Variants in XYLT1 observed in about 807,000 individuals in gnomAD.
The protein encoded by XYLT1 is beta-D-xylosyltransferase 1.
A neutral mutation model predicts 91.3 loss-of-function variants in XYLT1; 36 were observed. That is an observed-to-expected ratio of 0.39 (90% CI 0.30 to 0.52). The LOEUF (loss-of-function observed/expected upper bound fraction) is 0.52, where lower values mean the gene tolerates loss of function less well. Among genes scored for constraint, XYLT1 ranks in the 20% least tolerant of loss-of-function variants. XYLT1 has a pLI of 0.68. For synonymous variants in XYLT1, 588 were observed against 532.0 expected, an observed-to-expected ratio of 1.11 and a Z score of -1.45; for missense variants, 1,242 against 1,284.5, an observed-to-expected ratio of 0.97 and a Z score of 0.51.
At chr16:17,464,473 C>G (rs2036861390) in intron 1 of XYLT1, among the ~76,000 whole-genome samples, 1 of 118,044 alleles carries the variant, frequency 8.5e-6, no homozygotes, top group Non-Finnish European at 1.7e-5. Context: ...GGCCGGGCAA[C>G]AGAGCAAAAC....
Position 17,358,067 on chromosome 16 carries a change from G to A in XYLT1, c.364-17C>T, listed in dbSNP as rs765373459. The A allele has an allele frequency of 2.5e-6, 4 of 1,611,962 alleles. No homozygotes were observed. In the Admixed American group the frequency reaches 5.0e-5, roughly 20 times the overall value. On this transcript the variant is annotated splice_polypyrimidine_tract_variant and intron_variant, in intron 1 of 11. Coordinates refer to ENST00000261381, the MANE Select transcript of XYLT1 (RefSeq NM_022166.4). ...GTGTGGATCCTGTAGGATGAAAGGA[G>A]AAAATGCACGTGAGGAGTGAAAAAA...
intron 11 of XYLT1, 85 bp from the exon 12 acceptor site, chr16:17,109,102 C>T (rs1033934388): frequency 2.2e-6 from 3 of 1,344,192 alleles, no homozygotes. Context: ...TGGTGCTGCA[C>T]TGGGTGCCAT....
chr16:17,252,653 GA>G (rs1478335798), intron 3 of XYLT1, among the ~76,000 whole-genome samples: 1 of 152,130 alleles, frequency 6.6e-6, no homozygotes, highest in Non-Finnish European at 1.5e-5. Flanking sequence ...CGAGAGCAAG[GA>G]ATGTCTCACA....
At chr16:17,115,705 C>T (rs1198972998) in intron 11 of XYLT1, among the ~76,000 whole-genome samples, 4 of 147,838 alleles carry the variant, frequency 2.7e-5, no homozygotes, top group South Asian at 2.1e-4. Flanking sequence ...AGGCTGGTCT[C>T]GAACTCCTGG....
chr16:17,391,974 G>A (rs1481072035), intron 1 of XYLT1, among the ~76,000 whole-genome samples: 3 of 152,174 alleles, frequency 2.0e-5, no homozygotes, highest in African/African-American at 4.8e-5. Flanking sequence ...CATGTGGAAC[G>A]TTGAGTCAGT....
chr16:17,408,972 G>A (rs6498703), intron 1 of XYLT1, among the ~76,000 whole-genome samples: 34,960 of 152,116 alleles, frequency 0.23, 4,142 homozygotes, highest in African/African-American at 0.29. Context: ...TTTAGACAGC[G>A]TTGAGAACCC....
chr16:17,336,834 C>A (rs548505930), intron 2 of XYLT1, among the ~76,000 whole-genome samples: 18 of 152,268 alleles, frequency 1.2e-4, no homozygotes, highest in African/African-American at 4.1e-4. Flanking sequence ...AAACCCTGAT[C>A]GTGTCAAGCA....
intron 5 of XYLT1, among the ~76,000 whole-genome samples, chr16:17,174,138 AAAAT>A (rs1161185655): frequency 2.0e-5 from 3 of 152,218 alleles, no homozygotes; most frequent in Admixed American, 6.5e-5. Context: ...GGTGGCCAAA[AAAAT>A]AAATAAATAA....
At chr16:17,135,755 A>T (rs1475208354) in intron 8 of XYLT1, among the ~76,000 whole-genome samples, 1 of 152,178 alleles carries the variant, frequency 6.6e-6, no homozygotes, top group African/African-American at 2.4e-5. Flanking sequence ...CCTGTAAGCT[A>T]CCAGGTGTTA....
intron 9 of XYLT1, among the ~76,000 whole-genome samples, chr16:17,132,854 TCACTG>T (rs2030545890): frequency 6.6e-6 from 1 of 152,114 alleles, no homozygotes; most frequent in Non-Finnish European, 1.5e-5. Context: ...AGAGATCACA[TCACTG>T]CACTCCAGCT....
intron 1 of XYLT1, among the ~76,000 whole-genome samples, chr16:17,376,262 C>A (rs575648835): frequency 2.6e-5 from 4 of 152,186 alleles, no homozygotes; most frequent in African/African-American, 4.8e-5. Context: ...ACAGGGATGG[C>A]GCTCCATATC....
chr16:17,308,037 A>G (rs2034493267), intron 2 of XYLT1, among the ~76,000 whole-genome samples: 1 of 152,158 alleles, frequency 6.6e-6, no homozygotes, highest in Admixed American at 6.5e-5. Flanking sequence ...TGGTGGTGGG[A>G]TATACCCTCA....
chr16:17,412,207 G>A lies in XYLT1; in HGVS notation c.364-54157C>T, dbSNP rs573975496. Among the ~76,000 whole-genome samples the A allele has an allele frequency of 2.6e-5, 4 of 152,082 alleles. No homozygotes were observed. In the East Asian group the frequency reaches 7.7e-4, roughly 29 times the overall value. ...CACAGCTCCTGGGGTTGAAGATCCTGGTGAGGTGCAGTTTGTTCTCACAGC... is the reference window on the plus strand; with the variant it reads ...CACAGCTCCTGGGGTTGAAGATCCTAGTGAGGTGCAGTTTGTTCTCACAGC... On this transcript the variant is annotated intron_variant, in intron 1 of 11. Coordinates refer to ENST00000261381, the MANE Select transcript of XYLT1 (RefSeq NM_022166.4).
At chr16:17,412,927 C>A (rs1458003231) in intron 1 of XYLT1, among the ~76,000 whole-genome samples, 1 of 152,188 alleles carries the variant, frequency 6.6e-6, no homozygotes, top group African/African-American at 2.4e-5. Context: ...CCCATGTTCA[C>A]AATGCTCGTA....
chr16:17,396,212 T>A (rs2035883762), intron 1 of XYLT1, among the ~76,000 whole-genome samples: 1 of 152,214 alleles, frequency 6.6e-6, no homozygotes, highest in African/African-American at 2.4e-5. Context: ...ACTCATGCAG[T>A]GACTCCTGGG....
At chr16:17,229,877 G>A (rs2033132475) in intron 3 of XYLT1, among the ~76,000 whole-genome samples, 1 of 152,194 alleles carries the variant, frequency 6.6e-6, no homozygotes, top group Non-Finnish European at 1.5e-5. Context: ...GATATAATTA[G>A]TTAAATTAAG....
At chr16:17,303,531 G>C (rs560066237) in intron 2 of XYLT1, among the ~76,000 whole-genome samples, 1 of 152,184 alleles carries the variant, frequency 6.6e-6, no homozygotes, top group African/African-American at 2.4e-5. Flanking sequence ...GCCCCCGTGA[G>C]TCCCCAGTTT....
chr16:17,267,935 T>C (rs1333980027), intron 2 of XYLT1, among the ~76,000 whole-genome samples: 3 of 152,084 alleles, frequency 2.0e-5, no homozygotes, highest in Non-Finnish European at 4.4e-5. Flanking sequence ...TTAATAAATA[T>C]TAGGTATAAT....
intron 2 of XYLT1, among the ~76,000 whole-genome samples, chr16:17,357,172 C>CAAAAAAA (rs1168668915): frequency 1.7e-4 from 7 of 41,676 alleles, no homozygotes; most frequent in Non-Finnish European, 3.1e-4. Flanking sequence ...GACTCGGTCT[C>CAAAAAAA]AAAAAAAAAA....
Sources: allele counts gnomAD v4.1 joint callset (sites outside exome capture counted in the v4.1 genomes callset), GRCh38; gene constraint gnomAD v4.1.1; transcripts MANE v1.5; gene names NCBI Gene and HGNC (gene_info 2026-07-23, HGNC 2026-07-21).